The following OR2Z1 variants were observed in gnomAD, a reference collection of about 807,000 sequenced individuals.
OR2Z1 encodes the protein olfactory receptor family 2 subfamily Z member 1, also known as olfactory receptor 2Z1.
For missense variants in OR2Z1, 449 were observed against 401.8 expected (o/e 1.12, Z -1.00); for synonymous variants, 188 against 160.6 (o/e 1.17, Z -1.29).
chr19:8,726,745 G>A (rs1555756219), intron 2 of OR2Z1, among the ~76,000 whole-genome samples: 1 of 152,142 alleles, frequency 6.6e-6, no homozygotes, highest in Admixed American at 6.5e-5. Context: ...GATGGAATGA[G>A]AAAAATCAGG....
Position 8,731,575 on chromosome 19 carries a change from G to C in OR2Z1, c.547G>C (p.Ala183Pro), listed in dbSNP as rs376155040. 1.1e-5 allele frequency: 17 copies of C among 1,613,978 alleles called. No individual in the cohort carries two copies. In the African/African-American group the frequency reaches 1.2e-4, roughly 11 times the overall value. Reference protein sequence around the residue: ...IVDHFFCEVPALLKLSCADTC... With the variant: ...IVDHFFCEVPPLLKLSCADTC... The stretch of plus-strand genomic sequence containing the variant: ...GGATCACTTCTTCTGTGAGGTGCCA[G>C]CCCTACTGAAGCTCTCCTGTGCAGA... Residue 183 changes from alanine to proline, a missense_variant, in exon 3 of 3, where the codon GCC (alanine) becomes CCC (proline). By Grantham distance (27) the Ala-to-Pro change is conservative. Transcript: ENST00000641125.
chr19:8,730,055 T>C (rs1200582015), intron 2 of OR2Z1, among the ~76,000 whole-genome samples: 1 of 152,204 alleles, frequency 6.6e-6, no homozygotes, highest in African/African-American at 2.4e-5. Context: ...GGTGTCTATA[T>C]ACTACATTTA....
In OR2Z1 at chr19:8,731,883, C is replaced by G; in HGVS notation, c.855C>G (p.Leu285=). The G allele has an allele frequency of 2.5e-6, 4 of 1,614,204 alleles. No individual in the cohort carries two copies. The highest frequency in any genetic ancestry group is 3.4e-6 in the Non-Finnish European group (4 of 1,180,030). ...TCTATAGCCTTGTCACCCCTACACT[C>G]AACCCCCTTATCTACAGTCTGAGGA... ...SLFYSLVTPT[L]NPLIYSLRNP... The change falls in exon 3 of 3, where the codon CTC becomes CTG. Residue 285 remains leucine (L), a synonymous_variant. Transcript: ENST00000641125.
intron 2 of OR2Z1, among the ~76,000 whole-genome samples, chr19:8,727,422 C>T (rs1195790311): frequency 6.6e-6 from 1 of 152,182 alleles, no homozygotes; most frequent in Non-Finnish European, 1.5e-5. Flanking sequence ...TCATAACTCA[C>T]TCTGACTCCT....
intron 2 of OR2Z1, among the ~76,000 whole-genome samples, chr19:8,724,457 A>G (rs782293666): frequency 3.7e-4 from 57 of 152,040 alleles, no homozygotes; most frequent in Non-Finnish European, 7.4e-4. Flanking sequence ...GCTAGTCCCA[A>G]ACTCCTGGGC....
intron 2 of OR2Z1, among the ~76,000 whole-genome samples, chr19:8,723,984 G>C (rs896963152): frequency 1.4e-5 from 2 of 140,746 alleles, no homozygotes; most frequent in African/African-American, 6.2e-5. Flanking sequence ...GTGTGTGTGT[G>C]TGTGTGTGTG....
intron 2 of OR2Z1, among the ~76,000 whole-genome samples, chr19:8,729,524 C>A (rs570805246): frequency 1.3e-5 from 2 of 151,532 alleles, no homozygotes; most frequent in Admixed American, 6.6e-5. Flanking sequence ...GATCCTCCTG[C>A]CGTAGCCTCC....
At chr19:8,729,203 A>G (rs2043340396) in intron 2 of OR2Z1, 1 of 769,948 alleles carries the variant, frequency 1.3e-6, no homozygotes, top group South Asian at 1.4e-5. Context: ...TTTCGGCGCC[A>G]TCTTGTGAAA....
At chr19:8,729,435 A>G (rs1555756489) in intron 2 of OR2Z1, among the ~76,000 whole-genome samples, 2 of 149,906 alleles carry the variant, frequency 1.3e-5, no homozygotes, top group Non-Finnish European at 3.0e-5. Flanking sequence ...TTCTAAGACA[A>G]GGTCTTGCTC....
intron 2 of OR2Z1, among the ~76,000 whole-genome samples, chr19:8,724,682 G>A (rs1284159520): frequency 6.6e-6 from 1 of 152,040 alleles, no homozygotes; most frequent in Non-Finnish European, 1.5e-5. Flanking sequence ...CGGGGCTCAG[G>A]GGTTGATGAA....
At position 8,730,904 on chromosome 19, in the gene OR2Z1, A is replaced by G; in HGVS notation, c.-125A>G. 2 of 703,468 alleles carry G rather than the reference A, an allele frequency of 2.8e-6. No homozygotes were observed. Among genetic ancestry groups the G allele is most frequent in the Non-Finnish European group, 4.8e-6 (2 of 416,580 alleles). 43.6% of individuals were successfully genotyped at this position (703,468 alleles called of 1,614,324 possible). A position where few individuals can be genotyped will look rare whatever the true frequency, so the allele number is the denominator to read the frequency against. ...GCCTCATTACTCTTCTCAAGACACC[A>G]TCCCAGGAAGCCACTACCAATCAAT... On this transcript the variant is annotated 5_prime_UTR_variant, in exon 3 of 3. Transcript: ENST00000641125.
At position 8,729,196 on chromosome 19, in the gene OR2Z1, C is replaced by T. The variant is rs139000546; in HGVS notation, c.-169-1664C>T. 91 of 846,078 alleles carry T rather than the reference C, an allele frequency of 1.1e-4. No homozygotes were observed. The African/African-American group carries it at 1.1e-3, about 11-fold the overall frequency. The allele number at this position is 846,078 out of a possible 1,614,324, so 52.4% of individuals were successfully genotyped here. ...GGGCAGGAGCTTCCTTATTTGCTTT[C>T]GGCGCCATCTTGTGAAAAGGGCCCA... On this transcript the variant is annotated intron_variant, in intron 2 of 2. Coordinates refer to ENST00000641125, the MANE Select transcript of OR2Z1 (RefSeq NM_001004699.3).
intron 2 of OR2Z1, among the ~76,000 whole-genome samples, chr19:8,727,202 C>T (rs1555756270): frequency 6.6e-6 from 1 of 152,162 alleles, no homozygotes; most frequent in African/African-American, 2.4e-5. Context: ...CTGCAGCCTC[C>T]CAAAGTGCTG....
In OR2Z1 at chr19:8,729,072, G is replaced by A; in HGVS notation, c.-169-1788G>A. The A allele has an allele frequency of 2.6e-6, 3 of 1,155,814 alleles. No individual in the cohort carries two copies. In the Admixed American group the frequency reaches 5.2e-5, roughly 20 times the overall value. The allele number at this position is 1,155,814 out of a possible 1,614,324, so 71.6% of individuals were successfully genotyped here. ...TCACAGTGTCTTGGGCTGCTGGAAG[G>A]TGGGTGACATGTGGGATCTTTTTTT... On this transcript the variant is annotated intron_variant, in intron 2 of 2. Coordinates refer to ENST00000641125, the MANE Select transcript of OR2Z1 (RefSeq NM_001004699.3).
chr19:8,723,780 G>A (rs1370334282), intron 2 of OR2Z1, among the ~76,000 whole-genome samples: 1 of 152,104 alleles, frequency 6.6e-6, no homozygotes, highest in African/African-American at 2.4e-5. Flanking sequence ...AGTTGTTGGT[G>A]CAGAAGCCTT....
chr19:8,723,203 T>A (rs1340288997), intron 2 of OR2Z1, 53 bp downstream of exon 2: 1 of 152,144 alleles, frequency 6.6e-6, no homozygotes, highest in Non-Finnish European at 1.5e-5. Flanking sequence ...TGCAATCATG[T>A]TTTATGTCTT....
intron 2 of OR2Z1, among the ~76,000 whole-genome samples, chr19:8,723,964 CTGTTTGTG>C (rs1473760704): frequency 1.1e-5 from 1 of 89,106 alleles, no homozygotes; most frequent in Non-Finnish European, 2.3e-5. Flanking sequence ...GAAGGGGAGT[CTGTTTGTG>C]TGTGTGTGTG....
In OR2Z1 at chr19:8,722,021, C is replaced by G. The variant is rs2043309800; in HGVS notation, c.-236C>G. On this transcript the variant is annotated 5_prime_UTR_variant, in exon 1 of 3. Transcript: ENST00000641125. ...CTGGGTTCAAATCCCAGTCTACCCT[C>G]TTCTTAGCTGTGTGACTTTAGGTAA... 1 of 152,180 alleles carries G rather than the reference C, an allele frequency of 6.6e-6. No individual in the cohort carries two copies. The highest frequency in any genetic ancestry group is 6.5e-5 in the Admixed American group (1 of 15,270). The allele number at this position is 152,180 out of a possible 1,614,324, so 9.4% of individuals were successfully genotyped here.
chr19:8,723,377 A>T (rs181126310), intron 2 of OR2Z1, among the ~76,000 whole-genome samples: 1 of 152,116 alleles, frequency 6.6e-6, no homozygotes, highest in Admixed American at 6.5e-5. Flanking sequence ...CCCTGATCCC[A>T]TCCCAGGCAG....
Sources: allele counts gnomAD v4.1 joint callset (sites outside exome capture counted in the v4.1 genomes callset), GRCh38; gene constraint gnomAD v4.1.1; transcripts MANE v1.5; gene names NCBI Gene and HGNC (gene_info 2026-07-23, HGNC 2026-07-21).